DSCAM: variants seen among roughly 807,000 people sequenced by gnomAD.
DSCAM encodes cell adhesion molecule DSCAM.
In DSCAM, 47 loss-of-function variants were observed where a neutral mutation model predicts 217.7. The observed-to-expected ratio is 0.22, with a 90% CI of 0.17 to 0.28. The LOEUF is 0.28. DSCAM is among the 10% of genes least tolerant of loss of function. The probability of loss-of-function intolerance (pLI) is 1.00; values close to 1 mark genes in which losing one functional copy is unlikely to be tolerated. For missense variants in DSCAM, 2,080 were observed against 2,618.3 expected (o/e 0.79, Z 4.49); for synonymous variants, 1,056 against 1,015.3 (o/e 1.04, Z -0.76).
chr21:40,317,212 C>T (rs1238182506), intron 8 of DSCAM, among the ~76,000 whole-genome samples: 1 of 152,224 alleles, frequency 6.6e-6, no homozygotes, highest in Non-Finnish European at 1.5e-5. Context: ...TCAAGATCTC[C>T]TCACCCATAA....
intron 8 of DSCAM, among the ~76,000 whole-genome samples, chr21:40,315,557 G>T (rs2074187500): frequency 6.6e-6 from 1 of 152,130 alleles, no homozygotes; most frequent in Non-Finnish European, 1.5e-5. Flanking sequence ...AGAAGAATCA[G>T]CATTAAAACC....
chr21:40,305,112 G>A (rs1426927186), intron 9 of DSCAM, among the ~76,000 whole-genome samples: 2 of 152,102 alleles, frequency 1.3e-5, no homozygotes, highest in East Asian at 1.9e-4. Flanking sequence ...AAGTGTGGCC[G>A]GGCATGGTGG....
At chr21:40,621,628 A>C in intron 3 of DSCAM, among the ~76,000 whole-genome samples, 1 of 151,936 alleles carries the variant, frequency 6.6e-6, no homozygotes, top group Admixed American at 6.6e-5. Flanking sequence ...AAAGTCATAT[A>C]GTGCTTTCAG....
intron 1 of DSCAM, among the ~76,000 whole-genome samples, chr21:40,818,968 G>A (rs2091905864): frequency 6.6e-6 from 1 of 152,110 alleles, no homozygotes; most frequent in African/African-American, 2.4e-5. Context: ...ATTTCCTGTT[G>A]AAGTATGACA....
chr21:40,653,581 C>T (rs908343738), intron 3 of DSCAM, among the ~76,000 whole-genome samples: 4 of 152,154 alleles, frequency 2.6e-5, no homozygotes, highest in Non-Finnish European at 4.4e-5. Flanking sequence ...GCCACACCCT[C>T]TCTACTTGGT....
Position 40,708,776 on chromosome 21 carries a change from A to C in DSCAM, c.44-5T>G. 1 of 1,535,032 alleles carries C rather than the reference A, an allele frequency of 6.5e-7. No homozygotes were observed. Among genetic ancestry groups the C allele is most frequent in the Non-Finnish European group, 8.8e-7 (1 of 1,135,388 alleles). ...AGTGTAGGTCTTCACTGAAAACTGCAAGAAGACAACACAGGGATCCATAGG... is the reference window on the plus strand; with the variant it reads ...AGTGTAGGTCTTCACTGAAAACTGCCAGAAGACAACACAGGGATCCATAGG... On this transcript the variant is annotated splice_polypyrimidine_tract_variant and splice_region_variant and intron_variant, in intron 1 of 32. Coordinates refer to ENST00000400454, the MANE Select transcript of DSCAM (RefSeq NM_001389.5).
In DSCAM at chr21:40,044,115, C is replaced by T. The variant is rs373304031; in HGVS notation, c.5346G>A (p.Glu1782=). The change falls in exon 31 of 33, where the codon GAG becomes GAA. Residue 1782 remains glutamate, a synonymous_variant. Coordinates refer to ENST00000400454, the MANE Select transcript of DSCAM (RefSeq NM_001389.5). ...TPRAAGSVDK[E]SDSYSVSPSQ... ...AGGGGCTGACGCTGTAACTGTCGCT[C>T]TCTTTGTCTACTGATCCTGCAGCCC... 6.8e-6 allele frequency: 11 copies of T among 1,614,078 alleles called. No homozygotes were observed. Among genetic ancestry groups the T allele is most frequent in the Admixed American group, 3.3e-5 (2 of 60,028 alleles).
chr21:40,707,125 C>T (rs2090726253), intron 2 of DSCAM, among the ~76,000 whole-genome samples: 1 of 152,256 alleles, frequency 6.6e-6, no homozygotes, highest in South Asian at 2.1e-4. Flanking sequence ...ACAGAAAATC[C>T]AAGGCAGACA....
intron 8 of DSCAM, among the ~76,000 whole-genome samples, chr21:40,315,904 G>T (rs2074191461): frequency 6.6e-6 from 1 of 152,136 alleles, no homozygotes; most frequent in Non-Finnish European, 1.5e-5. Flanking sequence ...CAAGCAAAAG[G>T]AGGAGGGTGA....
chr21:40,758,552 A>G (rs1172330301), intron 1 of DSCAM, among the ~76,000 whole-genome samples: 1 of 151,296 alleles, frequency 6.6e-6, no homozygotes, highest in Non-Finnish European at 1.5e-5. Context: ...ACTGAGATAC[A>G]GAGGACAGGA....
chr21:40,378,362 T>C, intron 3 of DSCAM, among the ~76,000 whole-genome samples: 1 of 152,016 alleles, frequency 6.6e-6, no homozygotes, highest in Non-Finnish European at 1.5e-5. Context: ...AAAACCTCTA[T>C]AGGTGGGCAT....
intron 1 of DSCAM, among the ~76,000 whole-genome samples, chr21:40,722,815 A>G (rs1227147011): frequency 6.6e-6 from 1 of 152,018 alleles, no homozygotes; most frequent in African/African-American, 2.4e-5. Context: ...ATAGACCAAA[A>G]GTAAAAAAAA....
intron 32 of DSCAM, among the ~76,000 whole-genome samples, chr21:40,017,676 T>G (rs566245341): frequency 4.0e-4 from 61 of 151,908 alleles, no homozygotes; most frequent in African/African-American, 1.4e-3. Flanking sequence ...CTCAGCCTCC[T>G]GAGTAGCTGG....
intron 11 of DSCAM, among the ~76,000 whole-genome samples, chr21:40,231,217 A>C (rs1193225099): frequency 6.6e-6 from 1 of 150,396 alleles, no homozygotes; most frequent in Non-Finnish European, 1.5e-5. Context: ...TAAGGTTCCT[A>C]GAGAGAAAGT....
chr21:40,607,874 A>G (rs909934833), intron 3 of DSCAM, among the ~76,000 whole-genome samples: 1 of 152,158 alleles, frequency 6.6e-6, no homozygotes. Context: ...ATACAAAGCA[A>G]TTGGTTAGAA....
At chr21:40,493,464 A>G (rs2076092067) in intron 3 of DSCAM, among the ~76,000 whole-genome samples, 1 of 152,220 alleles carries the variant, frequency 6.6e-6, no homozygotes. Context: ...AATTGCTTAT[A>G]TCTTTAGTAT....
At chr21:40,251,025 C>A (rs958926200) in intron 11 of DSCAM, among the ~76,000 whole-genome samples, 2 of 152,200 alleles carry the variant, frequency 1.3e-5, no homozygotes, top group African/African-American at 4.8e-5. Flanking sequence ...TTTTTGCAGA[C>A]TTCTGGGCTC....
At chr21:40,128,016 C>T (rs1327803034) in intron 19 of DSCAM, among the ~76,000 whole-genome samples, 4 of 151,884 alleles carry the variant, frequency 2.6e-5, no homozygotes, top group Non-Finnish European at 5.9e-5. Context: ...GGTTCTAGCA[C>T]ACGTCATTTC....
At chr21:40,794,470 C>A (rs2091673272) in intron 1 of DSCAM, among the ~76,000 whole-genome samples, 1 of 150,532 alleles carries the variant, frequency 6.6e-6, no homozygotes, top group Non-Finnish European at 1.5e-5. Context: ...AACACAGCAA[C>A]TTTGTTTTGC....
Sources: gnomAD v4.1 joint callset for allele counts (sites outside exome capture counted in the v4.1 genomes callset) on GRCh38, gnomAD v4.1.1 for gene constraint, MANE v1.5 for transcripts, NCBI Gene and HGNC (gene_info 2026-07-23, HGNC 2026-07-21) for gene names.